TXNRD1: variants seen among roughly 807,000 people sequenced by gnomAD.
The protein encoded by TXNRD1 is thioredoxin reductase 1.
TXNRD1 carries 57 observed loss-of-function variants against 80.3 expected under a neutral mutation model. The ratio of observed to expected loss-of-function variants is 0.71; its 90% CI spans 0.57 to 0.89. The LOEUF (loss-of-function observed/expected upper bound fraction) is 0.89, where lower values mean the gene tolerates loss of function less well. Ranked by LOEUF, TXNRD1 falls within the 40% of genes least tolerant of loss-of-function variation. The probability of loss-of-function intolerance (pLI) is 0.00; values close to 1 mark genes in which losing one functional copy is unlikely to be tolerated. For synonymous variants in TXNRD1, 291 were observed against 285.2 expected (o/e 1.02, Z -0.20); for missense variants, 730 against 803.0 (o/e 0.91, Z 1.10).
chr12:104,301,889 C>T (rs1253218408), intron 4 of TXNRD1, among the ~76,000 whole-genome samples: 1 of 152,168 alleles, frequency 6.6e-6, no homozygotes, highest in Non-Finnish European at 1.5e-5. Flanking sequence ...TTCTGAAGAG[C>T]AGTCAACTTT....
intron 2 of TXNRD1, among the ~76,000 whole-genome samples, chr12:104,253,885 G>C (rs1312413138): frequency 6.6e-6 from 1 of 152,076 alleles, no homozygotes; most frequent in African/African-American, 2.4e-5. Context: ...TAGAGATGGG[G>C]TTTCACTATG....
chr12:104,291,410 A>G (rs2034208153), intron 4 of TXNRD1, among the ~76,000 whole-genome samples: 1 of 149,976 alleles, frequency 6.7e-6, no homozygotes, highest in Non-Finnish European at 1.5e-5. Flanking sequence ...CATGTTGGTC[A>G]GGCTGGTCTC....
At chr12:104,316,722 T>C (rs1314834842) in intron 7 of TXNRD1, among the ~76,000 whole-genome samples, 4 of 152,194 alleles carry the variant, frequency 2.6e-5, no homozygotes, top group African/African-American at 7.2e-5. Context: ...ATTGCATTAT[T>C]TAGTAGAAGA....
intron 16 of TXNRD1, among the ~76,000 whole-genome samples, chr12:104,347,395 C>T (rs183942707): frequency 2.0e-5 from 3 of 152,236 alleles, no homozygotes; most frequent in African/African-American, 7.2e-5. Context: ...TTTGTTTTTA[C>T]GTACAGGCAA....
chr12:104,254,257 C>G (rs539218600), intron 2 of TXNRD1, among the ~76,000 whole-genome samples: 2 of 152,228 alleles, frequency 1.3e-5, no homozygotes, highest in African/African-American at 4.8e-5. Context: ...ACATAGTAAA[C>G]ACTATATCAG....
intron 2 of TXNRD1, among the ~76,000 whole-genome samples, chr12:104,255,485 A>T (rs900814771): frequency 3.3e-5 from 5 of 151,898 alleles, no homozygotes; most frequent in African/African-American, 9.7e-5. Context: ...TTTGTTGGTT[A>T]GTTATTTGCA....
At chr12:104,303,780 A>G in intron 4 of TXNRD1, 6 of 1,263,738 alleles carry the variant, frequency 4.7e-6, no homozygotes, top group Non-Finnish European at 6.3e-6. Context: ...CACTTTCCAC[A>G]CGCTGGGAGG....
rs141848104 is a variant in TXNRD1, at chr12:104,319,853, G to A, written c.989+268G>A. On this transcript the variant is annotated intron_variant, in intron 9 of 16. Transcript: ENST00000525566. ...CTAGTATAGATTTACATTTGTATTC[G>A]AAATTTATTTATGCATGTATGAGTA... Among the ~76,000 whole-genome samples the A allele has an allele frequency of 4.8e-4, 73 of 152,270 alleles. 1 individual carries two copies. Among genetic ancestry groups the A allele is most frequent in the African/African-American group, 1.3e-3 (54 of 41,546 alleles).
chr12:104,220,267 A>G (rs1322071657), intron 1 of TXNRD1, among the ~76,000 whole-genome samples: 1 of 152,204 alleles, frequency 6.6e-6, no homozygotes. Context: ...AGAAGTTAGT[A>G]TTACACGATG....
At chr12:104,327,285 C>T (rs1042263008) in intron 12 of TXNRD1, among the ~76,000 whole-genome samples, 3 of 152,148 alleles carry the variant, frequency 2.0e-5, no homozygotes, top group African/African-American at 7.2e-5. Flanking sequence ...CTTCCATTCT[C>T]AGATTTCTTA....
chr12:104,325,021 C>T (rs1324618654), intron 10 of TXNRD1, among the ~76,000 whole-genome samples: 5 of 152,154 alleles, frequency 3.3e-5, no homozygotes, highest in Non-Finnish European at 5.9e-5. Context: ...CTGGGAAAAG[C>T]AGTAAGTCAT....
rs1013636641 is a variant in TXNRD1 at position 104,327,611 on chromosome 12, A to G, written c.1482A>G (p.Pro494=). The G allele has an allele frequency of 6.2e-7, 1 of 1,613,666 alleles. No individual in the cohort carries two copies. Among genetic ancestry groups the G allele is most frequent in the Non-Finnish European group, 8.5e-7 (1 of 1,179,836 alleles). ...TGGAGGATAAGGTGGAGCTCACCCC[A>G]GTTGCAATCCAGGCAGGAAGATTGC... ...DILEDKVELT[P]VAIQAGRLLA... Residue 494 remains proline, a synonymous_variant, in exon 13 of 17, where the codon CCA becomes CCG. Coordinates refer to ENST00000525566, the MANE Select transcript of TXNRD1 (RefSeq NM_001093771.3).
intron 4 of TXNRD1, among the ~76,000 whole-genome samples, chr12:104,306,987 G>T (rs1331394957): frequency 6.6e-6 from 1 of 152,184 alleles, no homozygotes; most frequent in African/African-American, 2.4e-5. Flanking sequence ...AGCATTAATA[G>T]AGAATCTGGA....
chr12:104,319,678 T>C (rs903983185), intron 9 of TXNRD1, 93 bp downstream of exon 9: 9 of 929,224 alleles, frequency 9.7e-6, no homozygotes, highest in Non-Finnish European at 1.3e-5. Context: ...TTCTTGGGCT[T>C]CAGACAGATT....
chr12:104,297,825 C>T (rs978168744), intron 4 of TXNRD1, among the ~76,000 whole-genome samples: 2 of 152,144 alleles, frequency 1.3e-5, no homozygotes, highest in Non-Finnish European at 2.9e-5. Flanking sequence ...CCTTTAGTAG[C>T]CACATACCCA....
At chr12:104,337,692 A>G (rs533468991) in intron 15 of TXNRD1, among the ~76,000 whole-genome samples, 1 of 152,134 alleles carries the variant, frequency 6.6e-6, no homozygotes, top group South Asian at 2.1e-4. Context: ...CCCCATGTCT[A>G]TTAAAAACAA....
chr12:104,319,834 T>G (rs2035466473), intron 9 of TXNRD1, among the ~76,000 whole-genome samples: 1 of 152,264 alleles, frequency 6.6e-6, no homozygotes, highest in Non-Finnish European at 1.5e-5. Flanking sequence ...CATACTAGTA[T>G]AGATTTACAT....
intron 7 of TXNRD1, among the ~76,000 whole-genome samples, chr12:104,316,856 G>C (rs183275421): frequency 3.3e-5 from 5 of 152,258 alleles, no homozygotes; most frequent in Admixed American, 2.0e-4. Context: ...GAGCATTTGA[G>C]GGAAAATATT....
At chr12:104,268,542 G>C (rs1277892283) in intron 3 of TXNRD1, among the ~76,000 whole-genome samples, 2 of 151,812 alleles carry the variant, frequency 1.3e-5, no homozygotes, top group Non-Finnish European at 2.9e-5. Context: ...AAGAAAGAAA[G>C]AGAGTATCAC....
Sources: allele counts gnomAD v4.1 joint callset (sites outside exome capture counted in the v4.1 genomes callset), GRCh38; gene constraint gnomAD v4.1.1; transcripts MANE v1.5; gene names NCBI Gene and HGNC (gene_info 2026-07-23, HGNC 2026-07-21).